Variants in NGF observed in about 807,000 individuals in gnomAD.
NGF encodes beta-nerve growth factor.
NGF carries 4 observed loss-of-function variants against 12.8 expected under a neutral mutation model. That is an observed-to-expected ratio of 0.31 (90% confidence interval 0.15 to 0.72). NGF has a LOEUF of 0.72. NGF is among the 30% of genes least tolerant of loss of function. The pLI is 0.69. For synonymous variants in NGF, 140 were observed against 130.0 expected (o/e 1.08, Z -0.52); for missense variants, 283 against 330.8 (o/e 0.86, Z 1.12).
In NGF at chr1:115,286,722, T is replaced by C. The variant is rs1430876344; in HGVS notation, c.74A>G (p.Asn25Ser). Residue 25 changes from asparagine to serine, a missense_variant, in exon 3 of 3, where the codon AAT becomes AGT. Transcript: ENST00000369512. ...GIQAEPHSES[N>S]VPAGHTIPQA... Reference sequence around the variant, plus strand: ...GGGGATGGTGTGTCCTGCAGGGACATTGCTCTCTGAGTGTGGTTCCGCCTG... The same window carrying C: ...GGGGATGGTGTGTCCTGCAGGGACACTGCTCTCTGAGTGTGGTTCCGCCTG... 1.2e-6 allele frequency: 2 copies of C among 1,614,170 alleles called. No individual in the cohort carries two copies. Among genetic ancestry groups the C allele is most frequent in the Non-Finnish European group, 1.7e-6 (2 of 1,180,016 alleles).
chr1:115,289,744 C>T (rs1392067935), intron 2 of NGF, among the ~76,000 whole-genome samples: 1 of 152,124 alleles, frequency 6.6e-6, no homozygotes, highest in African/African-American at 2.4e-5. Flanking sequence ...ATCCTCTCTC[C>T]TCATCTCCCT....
At chr1:115,299,013 T>C (rs1653955760) in intron 1 of NGF, among the ~76,000 whole-genome samples, 1 of 152,222 alleles carries the variant, frequency 6.6e-6, no homozygotes, top group African/African-American at 2.4e-5. Flanking sequence ...AAAAGGAATT[T>C]GAAATCTTTT....
At chr1:115,292,451 A>C (rs1653731057) in intron 2 of NGF, among the ~76,000 whole-genome samples, 1 of 152,158 alleles carries the variant, frequency 6.6e-6, no homozygotes, top group African/African-American at 2.4e-5. Context: ...AAGAATCTAC[A>C]TTTCTAGTAA....
intron 1 of NGF, among the ~76,000 whole-genome samples, chr1:115,322,046 G>A (rs1002688863): frequency 2.0e-5 from 3 of 152,148 alleles, no homozygotes; most frequent in Non-Finnish European, 2.9e-5. Flanking sequence ...GTTTGCTTAG[G>A]AACACAGACA....
intron 1 of NGF, among the ~76,000 whole-genome samples, chr1:115,328,716 C>A (rs1167008877): frequency 1.3e-5 from 2 of 152,134 alleles, no homozygotes; most frequent in Admixed American, 6.5e-5. Flanking sequence ...GTCACTGAAC[C>A]CACACTAGGA....
At position 115,286,612 on chromosome 1, in the gene NGF, G is replaced by T. The variant is rs755243469; in HGVS notation, c.184C>A (p.Arg62Ser). 19 of 1,614,114 alleles carry T rather than the reference G, an allele frequency of 1.2e-5. No individual in the cohort carries two copies. Among genetic ancestry groups the T allele is most frequent in the Non-Finnish European group, 1.5e-5 (18 of 1,180,052 alleles). ...ATGTTGCGGGTCTGCCCCGCCACGC[G>T]TGCAGCTATCGCCGCTGCCGGGGCG... ...RSAPAAAIAA[R>S]VAGQTRNITV... The change falls in exon 3 of 3, where the codon CGC becomes AGC. Residue 62 changes from arginine to serine, a missense_variant. Physicochemically the swap from Arg to Ser is moderately radical, Grantham distance 110. Transcript: ENST00000369512.
chr1:115,328,867 T>C (rs1177304292), intron 1 of NGF, among the ~76,000 whole-genome samples: 1 of 152,144 alleles, frequency 6.6e-6, no homozygotes, highest in Non-Finnish European at 1.5e-5. Flanking sequence ...CAAAGAAAGA[T>C]GGCTTTGCAA....
intron 1 of NGF, among the ~76,000 whole-genome samples, chr1:115,337,267 G>GTTTGTTTTTTTTTTGTTTTTTTTT: frequency 1.2e-5 from 1 of 81,030 alleles, no homozygotes; most frequent in African/African-American, 5.3e-5. Flanking sequence ...TTTTGTTTTT[G>GTTTGTTTTTTTTTTGTTTTTTTTT]TTTTTTTTTT....
intron 1 of NGF, among the ~76,000 whole-genome samples, chr1:115,337,267 G>GTTTGTTTTTTTTTTTTTTGTTTTTTT: frequency 1.2e-5 from 1 of 81,032 alleles, no homozygotes; most frequent in Non-Finnish European, 2.3e-5. Context: ...TTTTGTTTTT[G>GTTTGTTTTTTTTTTTTTTGTTTTTTT]TTTTTTTTTT....
intron 1 of NGF, among the ~76,000 whole-genome samples, chr1:115,336,096 G>A (rs1423718040): frequency 6.6e-6 from 1 of 152,156 alleles, no homozygotes; most frequent in Non-Finnish European, 1.5e-5. Flanking sequence ...GGCCCTTGGG[G>A]CAGGAGAGTT....
intron 1 of NGF, among the ~76,000 whole-genome samples, chr1:115,308,854 C>T (rs1654269133): frequency 6.6e-6 from 1 of 152,156 alleles, no homozygotes; most frequent in South Asian, 2.1e-4. Context: ...GAGGCTGAGA[C>T]TTGAATATAC....
intron 1 of NGF, among the ~76,000 whole-genome samples, chr1:115,328,571 T>A (rs1171464075): frequency 6.6e-6 from 1 of 152,188 alleles, no homozygotes; most frequent in Non-Finnish European, 1.5e-5. Context: ...AATGTTAGAC[T>A]CTCTGCTCTG....
intron 2 of NGF, among the ~76,000 whole-genome samples, chr1:115,289,177 G>A (rs1334456408): frequency 6.6e-6 from 1 of 152,138 alleles, no homozygotes; most frequent in Non-Finnish European, 1.5e-5. Context: ...TGAATATTCA[G>A]TTGGCAGCAA....
chr1:115,335,996 T>G (rs959884607), intron 1 of NGF, among the ~76,000 whole-genome samples: 8 of 152,326 alleles, frequency 5.3e-5, no homozygotes, highest in Admixed American at 5.2e-4. Context: ...TCCCTGCTGA[T>G]GTCGGCAACC....
At chr1:115,310,005 A>C (rs1654297631) in intron 1 of NGF, among the ~76,000 whole-genome samples, 1 of 152,252 alleles carries the variant, frequency 6.6e-6, no homozygotes, top group African/African-American at 2.4e-5. Context: ...TCAGAAACCA[A>C]GTGTTCCTCA....
At chr1:115,311,740 A>G (rs1654339523) in intron 1 of NGF, among the ~76,000 whole-genome samples, 1 of 152,204 alleles carries the variant, frequency 6.6e-6, no homozygotes, top group Non-Finnish European at 1.5e-5. Flanking sequence ...AAGAATTCTC[A>G]AATACATAAA....
At chr1:115,308,436 A>G (rs1470571748) in intron 1 of NGF, among the ~76,000 whole-genome samples, 1 of 152,250 alleles carries the variant, frequency 6.6e-6, no homozygotes, top group Non-Finnish European at 1.5e-5. Flanking sequence ...TTAGAACTTC[A>G]GGAAGGCTTT....
chr1:115,319,697 C>T (rs1654565329), intron 1 of NGF, among the ~76,000 whole-genome samples: 1 of 152,168 alleles, frequency 6.6e-6, no homozygotes, highest in Non-Finnish European at 1.5e-5. Flanking sequence ...TAGAAACAAA[C>T]AAAAAATTGC....
intron 1 of NGF, among the ~76,000 whole-genome samples, chr1:115,324,028 C>T (rs1654701856): frequency 6.6e-6 from 1 of 152,162 alleles, no homozygotes; most frequent in African/African-American, 2.4e-5. Context: ...CTATGACCTG[C>T]CCTGCTCGCT....
Sources: gnomAD v4.1 joint callset for allele counts (sites outside exome capture counted in the v4.1 genomes callset) on GRCh38, gnomAD v4.1.1 for gene constraint, MANE v1.5 for transcripts, NCBI Gene and HGNC (gene_info 2026-07-23, HGNC 2026-07-21) for gene names.